LINGO2: variants seen among roughly 807,000 people sequenced by gnomAD.
The protein encoded by LINGO2 is leucine rich repeat and Ig domain containing 2.
A neutral mutation model predicts 30.6 loss-of-function variants in LINGO2; 14 were observed. The observed-to-expected ratio is 0.46, with a 90% CI of 0.30 to 0.72. The LOEUF is 0.72. Among genes scored for constraint, LINGO2 ranks in the 30% least tolerant of loss-of-function variants. The pLI is 0.07. For missense variants in LINGO2, 729 were observed against 751.7 expected, an observed-to-expected ratio of 0.97 and a Z score of 0.35; for synonymous variants, 317 against 288.5, an observed-to-expected ratio of 1.10 and a Z score of -1.00.
chr9:28,880,938 C>T, the LINGO2 span, among the ~76,000 whole-genome samples: 16 of 152,228 alleles, frequency 1.1e-4, no homozygotes, highest in East Asian at 2.1e-3. Context: ...TTAATTATGA[C>T]ATAGATTCTT....
chr9:28,068,044 T>C (rs2133158902), intron 4 of LINGO2, among the ~76,000 whole-genome samples: 1 of 152,300 alleles, frequency 6.6e-6, no homozygotes, highest in African/African-American at 2.4e-5. Flanking sequence ...CAATTAGTTC[T>C]CTGGAATGAC....
chr9:28,441,808 G>C (rs1335923141), intron 2 of LINGO2, among the ~76,000 whole-genome samples: 3 of 151,944 alleles, frequency 2.0e-5, no homozygotes, highest in Admixed American at 6.6e-5. Flanking sequence ...CCTATTACTT[G>C]AGATTTATTG....
intron 2 of LINGO2, among the ~76,000 whole-genome samples, chr9:28,445,625 A>G (rs1824394167): frequency 6.6e-6 from 1 of 152,326 alleles, no homozygotes; most frequent in South Asian, 2.1e-4. Flanking sequence ...TACAGTGTCC[A>G]TATGCAATTA....
the LINGO2 span, among the ~76,000 whole-genome samples, chr9:29,187,596 G>A: frequency 6.6e-6 from 1 of 152,074 alleles, no homozygotes; most frequent in African/African-American, 2.4e-5. Context: ...TTACAAAACA[G>A]GTTTCAAACT....
chr9:28,145,851 A>G (rs1165776227), intron 4 of LINGO2, among the ~76,000 whole-genome samples: 2 of 152,130 alleles, frequency 1.3e-5, no homozygotes, highest in Admixed American at 6.5e-5. Context: ...AATCTTACCC[A>G]GGCTCAATAC....
the LINGO2 span, among the ~76,000 whole-genome samples, chr9:29,016,199 G>A: frequency 6.6e-6 from 1 of 152,122 alleles, no homozygotes; most frequent in African/African-American, 2.4e-5. Context: ...TCTTTTCAGT[G>A]TTTGAAACAT....
chr9:28,665,166 T>G (rs781368921), intron 1 of LINGO2, among the ~76,000 whole-genome samples: 60 of 151,468 alleles, frequency 4.0e-4, no homozygotes, highest in Non-Finnish European at 7.7e-4. Flanking sequence ...ATATTGACAA[T>G]AGCTGACATT....
chr9:29,137,357 C>G, the LINGO2 span, among the ~76,000 whole-genome samples: 23 of 152,276 alleles, frequency 1.5e-4, no homozygotes, highest in South Asian at 4.8e-3. Context: ...TCACAAGGCA[C>G]TATCATACAC....
intron 2 of LINGO2, among the ~76,000 whole-genome samples, chr9:28,412,049 T>G (rs981465314): frequency 2.6e-5 from 4 of 151,976 alleles, no homozygotes; most frequent in Admixed American, 6.6e-5. Flanking sequence ...ACCTGAGTAG[T>G]GTTATTTGTA....
At chr9:28,838,251 C>G in the LINGO2 span, among the ~76,000 whole-genome samples, 1 of 152,016 alleles carries the variant, frequency 6.6e-6, no homozygotes, top group African/African-American at 2.4e-5. Context: ...TCTATTAGGT[C>G]GAACATGAAA....
intron 1 of LINGO2, among the ~76,000 whole-genome samples, chr9:28,481,243 G>GA (rs940587845): frequency 9.9e-5 from 15 of 152,144 alleles, no homozygotes; most frequent in African/African-American, 3.6e-4. Flanking sequence ...TTCATGCTCA[G>GA]AAAAAATATG....
At chr9:28,456,340 T>C (rs1223481794) in intron 2 of LINGO2, among the ~76,000 whole-genome samples, 1 of 152,216 alleles carries the variant, frequency 6.6e-6, no homozygotes, top group Non-Finnish European at 1.5e-5. Flanking sequence ...GAGTTGCTTC[T>C]ATACTGGATT....
chr9:28,169,881 C>T (rs1011249757), intron 4 of LINGO2, among the ~76,000 whole-genome samples: 14 of 152,304 alleles, frequency 9.2e-5, no homozygotes, highest in Non-Finnish European at 5.9e-5. Context: ...CAATCTAGCT[C>T]TTTCATATGT....
chr9:28,922,850 T>G, the LINGO2 span, among the ~76,000 whole-genome samples: 1 of 152,188 alleles, frequency 6.6e-6, no homozygotes, highest in Admixed American at 6.5e-5. Flanking sequence ...TGTCAAAAAG[T>G]ATTTTGCAAA....
rs139774562 is a variant in LINGO2 at position 28,051,707 on chromosome 9, A to C, written c.-86-39302T>G. ...CCAACCACAGTCATTCAAGTTCCACAGCACATAGTTTTGTTCTATTTTACT... is the reference window on the plus strand; with the variant it reads ...CCAACCACAGTCATTCAAGTTCCACCGCACATAGTTTTGTTCTATTTTACT... On this transcript the variant is annotated intron_variant, in intron 4 of 5. Coordinates refer to ENST00000379992, the Ensembl canonical transcript of LINGO2. Among the ~76,000 whole-genome samples, 210 of 152,126 alleles carry C rather than the reference A, an allele frequency of 1.4e-3. 1 individual carries two copies. The highest frequency in any genetic ancestry group is 4.9e-3 in the African/African-American group (204 of 41,528).
chr9:29,082,923 T>C, the LINGO2 span, among the ~76,000 whole-genome samples: 12 of 152,076 alleles, frequency 7.9e-5, no homozygotes, highest in Admixed American at 2.0e-4. Flanking sequence ...CATTAAAAAG[T>C]CAGGAAACAA....
chr9:28,594,627 G>T (rs374265670), intron 1 of LINGO2, among the ~76,000 whole-genome samples: 1 of 152,024 alleles, frequency 6.6e-6, no homozygotes, highest in Non-Finnish European at 1.5e-5. Context: ...TATATAAGGC[G>T]CACTATTTCA....
the LINGO2 span, among the ~76,000 whole-genome samples, chr9:29,117,658 GA>G: frequency 3.9e-3 from 588 of 152,306 alleles, no homozygotes; most frequent in Admixed American, 9.0e-3. Flanking sequence ...TGTTCAGCTA[GA>G]AAATGCTATC....
At chr9:28,372,062 G>A (rs1278581082) in intron 3 of LINGO2, among the ~76,000 whole-genome samples, 5 of 152,022 alleles carry the variant, frequency 3.3e-5, no homozygotes, top group Non-Finnish European at 7.4e-5. Context: ...AAAAATATAT[G>A]AATAGTAGAT....
Sources: allele counts gnomAD v4.1 joint callset (sites outside exome capture counted in the v4.1 genomes callset), GRCh38; gene constraint gnomAD v4.1.1; transcripts MANE v1.5; gene names NCBI Gene and HGNC (gene_info 2026-07-23, HGNC 2026-07-21).